The following PKHD1 variants were observed in gnomAD, a reference collection of about 807,000 sequenced individuals.
PKHD1 encodes PKHD1 ciliary IPT domain containing fibrocystin/polyductin.
In PKHD1, 291 loss-of-function variants were observed where a neutral mutation model predicts 412.0. The ratio of observed to expected loss-of-function variants is 0.71; its 90% CI spans 0.64 to 0.78. The LOEUF is 0.78. PKHD1 is among the 30% of genes least tolerant of loss of function. The pLI, the probability that PKHD1 is intolerant of heterozygous loss-of-function variation, is 0.00. For synonymous variants in PKHD1, 1,777 were observed against 1,821.5 expected, an observed-to-expected ratio of 0.98 and a Z score of 0.62; for missense variants, 4,825 against 4,950.7, an observed-to-expected ratio of 0.97 and a Z score of 0.76.
chr6:51,759,387 A>C (rs936745362), intron 55 of PKHD1, among the ~76,000 whole-genome samples: 1 of 152,106 alleles, frequency 6.6e-6, no homozygotes, highest in African/African-American at 2.4e-5. Flanking sequence ...TGGGCATAGG[A>C]TCCAACCTGC....
Position 51,836,485 on chromosome 6 carries a change from C to T in PKHD1, c.8108-16G>A, listed in dbSNP as rs73442356. 1 of 1,582,206 alleles carries T rather than the reference C, an allele frequency of 6.3e-7. No individual in the cohort carries two copies. The highest frequency in any genetic ancestry group is 8.7e-7 in the Non-Finnish European group (1 of 1,151,330). ...TCACCTGAAACTAAATACCAAAAGCCACAACTTGCATGTGATACAAAGATC... is the reference window on the plus strand; with the variant it reads ...TCACCTGAAACTAAATACCAAAAGCTACAACTTGCATGTGATACAAAGATC... On this transcript the variant is annotated splice_polypyrimidine_tract_variant and intron_variant, in intron 50 of 66. Transcript: ENST00000371117.
intron 52 of PKHD1, among the ~76,000 whole-genome samples, chr6:51,796,490 A>G (rs945699752): frequency 6.7e-6 from 1 of 149,212 alleles, no homozygotes; most frequent in East Asian, 2.0e-4. Flanking sequence ...TCATGTCTCT[A>G]TGTCCTTCAG....
intron 14 of PKHD1, 39 bp downstream of exon 14, chr6:52,062,480 G>A: frequency 6.2e-7 from 1 of 1,612,184 alleles, no homozygotes; most frequent in Non-Finnish European, 8.5e-7. Flanking sequence ...GTTAGCAAAG[G>A]TGCTTTTGAT....
chr6:51,970,146 C>A (rs77221042), intron 35 of PKHD1, among the ~76,000 whole-genome samples: 5 of 152,082 alleles, frequency 3.3e-5, no homozygotes, highest in Non-Finnish European at 7.4e-5. Flanking sequence ...TAATATAACT[C>A]GGTATCCCAC....
At chr6:51,904,178 G>A in intron 41 of PKHD1, 136 bp from the exon 42 acceptor site, 1 of 687,072 alleles carries the variant, frequency 1.5e-6, no homozygotes, top group Non-Finnish European at 2.7e-6. Context: ...CAGGGAAAGA[G>A]ATACAGATCT....
chr6:51,844,038 C>T (rs999038965), intron 50 of PKHD1, among the ~76,000 whole-genome samples: 2 of 152,158 alleles, frequency 1.3e-5, no homozygotes, highest in South Asian at 2.1e-4. Context: ...ATAACATATA[C>T]ACTGAGCTCA....
chr6:51,707,481 TTTACTC>T (rs1469576439), intron 60 of PKHD1, among the ~76,000 whole-genome samples: 8 of 152,282 alleles, frequency 5.3e-5, no homozygotes, highest in African/African-American at 9.6e-5. Context: ...CTCCCGTACT[TTTACTC>T]TAAGTCTACT....
chr6:51,744,233 A>C, intron 60 of PKHD1, 152 bp downstream of exon 60: 1 of 754,606 alleles, frequency 1.3e-6, no homozygotes, highest in Non-Finnish European at 2.4e-6. Flanking sequence ...CATTCCTGTA[A>C]TACAGGTGAA....
chr6:52,068,915 G>A lies in PKHD1; in HGVS notation c.778+542C>T, dbSNP rs185442892. Among the ~76,000 whole-genome samples, 129 of 152,258 alleles carry A rather than the reference G, an allele frequency of 8.5e-4. 1 individual carries two copies. The highest frequency in any genetic ancestry group is 1.9e-3 in the Admixed American group (29 of 15,292). On this transcript the variant is annotated intron_variant, in intron 11 of 66. Transcript: ENST00000371117. ...CCAACCCCACAGACATTTCTTCAGT[G>A]GCTGTGTGACTGTATTCCATTCTAG...
intron 60 of PKHD1, among the ~76,000 whole-genome samples, chr6:51,709,699 T>A (rs775157375): frequency 1.2e-4 from 18 of 152,236 alleles, no homozygotes; most frequent in Non-Finnish European, 1.5e-4. Flanking sequence ...GGTTTTCCTA[T>A]GATTTTTAAC....
At position 52,025,088 on chromosome 6, in the gene PKHD1, T is replaced by A. The variant is rs1801937525; in HGVS notation, c.4722A>T (p.Gln1574His). The change falls in exon 32 of 67, where the codon CAA (glutamine) becomes CAT (histidine). Residue 1574 changes from glutamine (Q) to histidine (H), a missense_variant. Transcript: ENST00000371117. Reference sequence around the variant, plus strand: ...AATTCTTAGGAAAATAATGAAACACTTGGGGCATAATGTAGAAGTGTCTGG... The same window carrying A: ...AATTCTTAGGAAAATAATGAAACACATGGGGCATAATGTAGAAGTGTCTGG... ...NVSRHFYIMP[Q>H]VFHYFPKNFS... 6.2e-7 allele frequency: 1 copy of A among 1,614,024 alleles called. No homozygotes were observed. The highest frequency in any genetic ancestry group is 8.5e-7 in the Non-Finnish European group (1 of 1,180,032).
chr6:52,043,148 A>C lies in PKHD1; in HGVS notation c.2822-14T>G, dbSNP rs1390076756. On this transcript the variant is annotated splice_polypyrimidine_tract_variant and intron_variant, in intron 26 of 66. Coordinates refer to ENST00000371117, the MANE Select transcript of PKHD1 (RefSeq NM_138694.4). ...TGATGTCACCATCTTAAAGGAGAAA[A>C]GAAATTAAAAAACAAATAAAATAAT... 1 of 1,598,788 alleles carries C rather than the reference A, an allele frequency of 6.3e-7. No homozygotes were observed. Among genetic ancestry groups the C allele is most frequent in the African/African-American group, 1.3e-5 (1 of 74,562 alleles).
intron 27 of PKHD1, among the ~76,000 whole-genome samples, chr6:52,040,465 T>A (rs570741793): frequency 6.6e-6 from 1 of 152,216 alleles, no homozygotes; most frequent in South Asian, 2.1e-4. Flanking sequence ...AGTCAGATCA[T>A]GTCACTTCAC....
At chr6:51,789,653 C>T (rs1006431437) in intron 53 of PKHD1, among the ~76,000 whole-genome samples, 4 of 152,124 alleles carry the variant, frequency 2.6e-5, no homozygotes, top group African/African-American at 9.7e-5. Flanking sequence ...AATATTTGCA[C>T]TTGGAAACTT....
At chr6:51,638,823 A>T (rs765096230) in intron 64 of PKHD1, 26 bp downstream of exon 64, 5 of 1,348,512 alleles carry the variant, frequency 3.7e-6, no homozygotes, top group Non-Finnish European at 4.2e-6. Context: ...AAAAACACAG[A>T]ATAAAAGCAC....
At chr6:51,675,898 G>A (rs747345793) in intron 60 of PKHD1, among the ~76,000 whole-genome samples, 1 of 152,192 alleles carries the variant, frequency 6.6e-6, no homozygotes, top group Non-Finnish European at 1.5e-5. Context: ...TTGTATTTGT[G>A]TGTGCATGTG....
chr6:51,737,791 C>G (rs1052906268), intron 60 of PKHD1, among the ~76,000 whole-genome samples: 4 of 151,692 alleles, frequency 2.6e-5, no homozygotes, highest in South Asian at 2.1e-4. Context: ...TCTATTGATT[C>G]AAAATCTCCC....
intron 36 of PKHD1, among the ~76,000 whole-genome samples, chr6:51,945,556 C>T (rs1182202286): frequency 2.6e-5 from 4 of 152,198 alleles, no homozygotes; most frequent in Admixed American, 6.5e-5. Flanking sequence ...TCATGTTTTC[C>T]TGACACTGCC....
intron 60 of PKHD1, among the ~76,000 whole-genome samples, chr6:51,707,885 T>C (rs187844553): frequency 8.9e-4 from 135 of 152,290 alleles, no homozygotes; most frequent in African/African-American, 3.1e-3. Flanking sequence ...CTCCTATATG[T>C]CTGTCTACTC....
Sources: gnomAD v4.1 joint callset for allele counts (sites outside exome capture counted in the v4.1 genomes callset) on GRCh38, gnomAD v4.1.1 for gene constraint, MANE v1.5 for transcripts, NCBI Gene and HGNC (gene_info 2026-07-23, HGNC 2026-07-21) for gene names.